LAMA2: variants seen among roughly 807,000 people sequenced by gnomAD.
LAMA2 encodes laminin subunit alpha-2.
Under a neutral mutation model 364.8 loss-of-function variants are expected in LAMA2, and 269 were observed. The observed-to-expected ratio is 0.74, with a 90% CI of 0.67 to 0.82. LAMA2 has a LOEUF of 0.82. Among genes scored for constraint, LAMA2 ranks in the 40% least tolerant of loss-of-function variants. The pLI, the probability that LAMA2 is intolerant of heterozygous loss-of-function variation, is 0.00. For synonymous variants in LAMA2, 1,379 were observed against 1,370.6 expected (o/e 1.01, Z -0.14); for missense variants, 3,807 against 3,873.2 (o/e 0.98, Z 0.45).
At chr6:129,164,375 G>C (rs141056953) in intron 8 of LAMA2, among the ~76,000 whole-genome samples, 4 of 152,144 alleles carry the variant, frequency 2.6e-5, no homozygotes, top group Admixed American at 1.3e-4. Context: ...TAATATTTTC[G>C]AACTGTGGTT....
rs1311003683 is a variant in LAMA2, at chr6:129,472,125, T to C, written c.7301-1089T>C. ...GCATGCTGAAAGATCTGGGCAGCTA[T>C]AAAATTAAGAAGATACATGTTTAAC... On this transcript the variant is annotated intron_variant, in intron 51 of 64. Coordinates refer to ENST00000421865, the MANE Select transcript of LAMA2 (RefSeq NM_000426.4). 2.0e-5 allele frequency among the ~76,000 whole-genome samples: 3 copies of C among 152,010 alleles called. No homozygotes were observed. In the East Asian group the frequency reaches 5.8e-4, roughly 29 times the overall value.
chr6:129,341,424 A>G (rs1377801293), intron 29 of LAMA2, among the ~76,000 whole-genome samples: 1 of 152,236 alleles, frequency 6.6e-6, no homozygotes, highest in Non-Finnish European at 1.5e-5. Flanking sequence ...AAATCCAGCT[A>G]AAATTCAATT....
At chr6:129,326,127 A>G (rs904555220) in intron 28 of LAMA2, among the ~76,000 whole-genome samples, 1 of 152,222 alleles carries the variant, frequency 6.6e-6, no homozygotes, top group Non-Finnish European at 1.5e-5. Flanking sequence ...GGCGTGAGCC[A>G]CCATGTCTCG....
chr6:129,438,657 C>CAGAAAATTAA lies in LAMA2; in HGVS notation c.5981_5982insGAAAATTAAA (p.His1994GlnfsTer16). 6.4e-7 allele frequency: 1 copy of CAGAAAATTAA among 1,572,954 alleles called. No homozygotes were observed. Among genetic ancestry groups the CAGAAAATTAA allele is most frequent in the Non-Finnish European group, 8.7e-7 (1 of 1,143,152 alleles). On this transcript the variant is annotated frameshift_variant, in exon 42 of 65. Transcript: ENST00000421865. LOFTEE classifies it high-confidence loss of function. ...TTTTTTATTCGCAGAAAATGAAGAC[C>CAGAAAATTAA]ATCTAAATGGCTTAAAAACCAGGAT...
intron 4 of LAMA2, among the ~76,000 whole-genome samples, chr6:129,129,937 A>T (rs561452385): frequency 0.012 from 1,888 of 151,788 alleles, 47 homozygotes; most frequent in African/African-American, 0.043. Context: ...AAAAAAAAAA[A>T]AAAAAATAAC....
chr6:129,253,606 G>A (rs935057021), intron 14 of LAMA2, among the ~76,000 whole-genome samples: 21 of 152,246 alleles, frequency 1.4e-4, no homozygotes, highest in Non-Finnish European at 2.4e-4. Context: ...TTAGCAAATA[G>A]AGGTTGTCAT....
At chr6:129,256,708 G>A (rs901015071) in intron 14 of LAMA2, among the ~76,000 whole-genome samples, 1 of 142,228 alleles carries the variant, frequency 7.0e-6, no homozygotes, top group Non-Finnish European at 1.5e-5. Context: ...ATGTGGGATT[G>A]AAAATGTTTA....
At chr6:129,492,141 C>A in intron 57 of LAMA2, 64 bp downstream of exon 57, 1 of 1,472,852 alleles carries the variant, frequency 6.8e-7, no homozygotes, top group Non-Finnish European at 9.5e-7. Context: ...TTAGGGGTCC[C>A]AATGCATCTA....
chr6:129,512,268 G>A lies in LAMA2; in HGVS notation c.8858-95G>A, dbSNP rs138101343. 7.7e-5 allele frequency: 95 copies of A among 1,226,818 alleles called. No homozygotes were observed. The African/African-American group carries it at 1.3e-3, about 17-fold the overall frequency. The allele number at this position is 1,226,818 out of a possible 1,614,324, so 76.0% of individuals were successfully genotyped here. A position where few individuals can be genotyped will look rare whatever the true frequency, so the allele number is the denominator to read the frequency against. The stretch of plus-strand genomic sequence containing the variant: ...CCCTCATTAGAATTAGCTAGCATTT[G>A]AATTGAAATATAATAAAAAGTCATG... On this transcript the variant is annotated intron_variant, in intron 62 of 64. Transcript: ENST00000421865.
intron 8 of LAMA2, 34 bp from the exon 9 acceptor site, chr6:129,165,542 C>T (rs771152180): frequency 1.6e-5 from 23 of 1,426,014 alleles, no homozygotes; most frequent in Non-Finnish European, 2.1e-5. Flanking sequence ...GTTTCTATTA[C>T]ACTTCGTTAA....
rs1401689375 is a variant in LAMA2, at chr6:129,366,235, C to T, written c.4734C>T (p.Cys1578=). ...CTTTCACAGTTTGTGGAGATGAGTG[C>T]ACTGGCCTTCTTCTCGGTGACTTGG... ...GWECVFCGDE[C]TGLLLGDLAR... is the part of the protein sequence containing the mutation. Residue 1578 remains cysteine (C), a synonymous_variant, in exon 33 of 65, where the codon TGC becomes TGT. Coordinates refer to ENST00000421865, the MANE Select transcript of LAMA2 (RefSeq NM_000426.4). 6.2e-7 allele frequency: 1 copy of T among 1,613,804 alleles called. No individual in the cohort carries two copies. Among genetic ancestry groups the T allele is most frequent in the Non-Finnish European group, 8.5e-7 (1 of 1,179,942 alleles).
rs574296055 is a variant in LAMA2 at position 129,160,123 on chromosome 6, G to A, written c.1206+5440G>A. On this transcript the variant is annotated intron_variant, in intron 8 of 64. Transcript: ENST00000421865. ...GGTATACTGGCATCAACAAATGATCGGGGAAATGCACTTCCTCTTCTGTTT... is the reference window on the plus strand; with the variant it reads ...GGTATACTGGCATCAACAAATGATCAGGGAAATGCACTTCCTCTTCTGTTT... Among the ~76,000 whole-genome samples, 37 of 152,056 alleles carry A rather than the reference G, an allele frequency of 2.4e-4. 2 individuals are homozygous for A. Among genetic ancestry groups the A allele is most frequent in the South Asian group, 1.0e-3 (5 of 4,810 alleles).
At chr6:129,084,755 T>C (rs1774272032) in intron 3 of LAMA2, among the ~76,000 whole-genome samples, 1 of 152,172 alleles carries the variant, frequency 6.6e-6, no homozygotes, top group Non-Finnish European at 1.5e-5. Flanking sequence ...TAAGGAAAAG[T>C]TAAGCCTCCA....
chr6:129,376,773 C>T (rs1778398232), intron 34 of LAMA2, among the ~76,000 whole-genome samples: 1 of 152,166 alleles, frequency 6.6e-6, no homozygotes, highest in Non-Finnish European at 1.5e-5. Flanking sequence ...GCAGGGGTTC[C>T]AAGATTCCTC....
chr6:129,430,540 T>G lies in LAMA2; in HGVS notation c.5968+2686T>G, dbSNP rs138491187. On this transcript the variant is annotated intron_variant, in intron 41 of 64. Coordinates refer to ENST00000421865, the MANE Select transcript of LAMA2 (RefSeq NM_000426.4). ...GATTTGAAGCCTGTCTACATTGCAC[T>G]GATCGAATGTTTGTGGAGATAAAAA... Among the ~76,000 whole-genome samples, 150 of 152,354 alleles carry G rather than the reference T, an allele frequency of 9.8e-4. 1 individual carries two copies. The highest frequency in any genetic ancestry group is 3.5e-3 in the African/African-American group (147 of 41,580).
At chr6:129,166,989 TC>T (rs1436961588) in intron 9 of LAMA2, among the ~76,000 whole-genome samples, 1 of 152,134 alleles carries the variant, frequency 6.6e-6, no homozygotes, top group East Asian at 1.9e-4. Context: ...TTTTAACCAA[TC>T]CTTTAATAAT....
chr6:128,915,264 G>A (rs930825792), intron 1 of LAMA2, among the ~76,000 whole-genome samples: 1 of 152,160 alleles, frequency 6.6e-6, no homozygotes, highest in African/African-American at 2.4e-5. Flanking sequence ...AGGCAGAAAG[G>A]TTAATGGATA....
Position 129,328,426 on chromosome 6 carries a change from C to G in LAMA2, c.4311+14C>G, listed in dbSNP as rs1403661381. The G allele has an allele frequency of 6.2e-7, 1 of 1,613,966 alleles. No individual in the cohort carries two copies. On this transcript the variant is annotated intron_variant, in intron 29 of 64. Transcript: ENST00000421865. ...TCGATATGCCAGGTAGTCCTCTGAG[C>G]CTTCCTTGAACAAGGTCCATGTGCT...
chr6:129,257,605 A>G (rs1192374785), intron 14 of LAMA2, among the ~76,000 whole-genome samples: 1 of 152,106 alleles, frequency 6.6e-6, no homozygotes. Flanking sequence ...ACAGTTAATC[A>G]ATCTGCTGTT....
Sources: gnomAD v4.1 joint callset for allele counts (sites outside exome capture counted in the v4.1 genomes callset) on GRCh38, gnomAD v4.1.1 for gene constraint, MANE v1.5 for transcripts, NCBI Gene and HGNC (gene_info 2026-07-23, HGNC 2026-07-21) for gene names.